NELL1: variants seen among roughly 807,000 people sequenced by gnomAD.
The protein encoded by NELL1 is protein kinase C-binding protein NELL1.
In NELL1, 76 loss-of-function variants were observed where a neutral mutation model predicts 107.4. The observed-to-expected ratio is 0.71, with a 90% CI of 0.59 to 0.86. NELL1 has a LOEUF of 0.86. Among genes scored for constraint, NELL1 ranks in the 40% least tolerant of loss-of-function variants. The pLI, the probability that NELL1 is intolerant of heterozygous loss-of-function variation, is 0.00. For synonymous variants in NELL1, 353 were observed against 341.2 expected, an observed-to-expected ratio of 1.03 and a Z score of -0.38; for missense variants, 1,024 against 1,005.5, an observed-to-expected ratio of 1.02 and a Z score of -0.25.
At chr11:20,812,921 T>G (rs1238451460) in intron 3 of NELL1, among the ~76,000 whole-genome samples, 2 of 140,838 alleles carry the variant, frequency 1.4e-5, no homozygotes, top group African/African-American at 5.3e-5. Context: ...GGCAGGAGAA[T>G]GGCGTGAACC....
At chr11:21,548,919 A>G (rs1182876401) in intron 16 of NELL1, among the ~76,000 whole-genome samples, 2 of 150,660 alleles carry the variant, frequency 1.3e-5, no homozygotes, top group Admixed American at 6.7e-5. Flanking sequence ...TGCTGCATAC[A>G]AGATAACACA....
At chr11:20,981,910 A>G (rs1456775541) in intron 12 of NELL1, among the ~76,000 whole-genome samples, 2 of 151,878 alleles carry the variant, frequency 1.3e-5, no homozygotes, top group Non-Finnish European at 2.9e-5. Context: ...TCAGGGCTCA[A>G]ACAATGTCAC....
At chr11:21,322,270 T>G (rs986765883) in intron 14 of NELL1, among the ~76,000 whole-genome samples, 1 of 152,150 alleles carries the variant, frequency 6.6e-6, no homozygotes, top group African/African-American at 2.4e-5. Flanking sequence ...ATTTGGGGAA[T>G]GTAATTTCAC....
chr11:21,390,230 T>C (rs1199658771), intron 15 of NELL1, among the ~76,000 whole-genome samples: 2 of 151,656 alleles, frequency 1.3e-5, no homozygotes, highest in African/African-American at 4.8e-5. Flanking sequence ...TTGGCCCTTT[T>C]ATTTATTGTG....
intron 15 of NELL1, among the ~76,000 whole-genome samples, chr11:21,440,031 A>C (rs1853237852): frequency 6.6e-6 from 1 of 152,130 alleles, no homozygotes; most frequent in Non-Finnish European, 1.5e-5. Flanking sequence ...ATAAAGGAGA[A>C]TACCATAAAC....
chr11:20,706,200 A>G (rs868429554), intron 2 of NELL1, among the ~76,000 whole-genome samples: 2 of 152,200 alleles, frequency 1.3e-5, no homozygotes, highest in Admixed American at 6.5e-5. Context: ...TCATGCTGCT[A>G]TAAAGACACA....
intron 14 of NELL1, among the ~76,000 whole-genome samples, chr11:21,330,583 G>A (rs1850251292): frequency 6.6e-6 from 1 of 152,108 alleles, no homozygotes; most frequent in Non-Finnish European, 1.5e-5. Context: ...CTGGTGAGAT[G>A]TCAGTTGTTA....
intron 15 of NELL1, among the ~76,000 whole-genome samples, chr11:21,503,491 G>A (rs1855201641): frequency 4.6e-5 from 7 of 152,048 alleles, no homozygotes; most frequent in Admixed American, 4.6e-4. Flanking sequence ...TATTTTTCTT[G>A]GGCAAGTTCT....
At chr11:20,710,650 G>T (rs538390829) in intron 2 of NELL1, among the ~76,000 whole-genome samples, 26 of 152,166 alleles carry the variant, frequency 1.7e-4, no homozygotes, top group African/African-American at 6.0e-4. Context: ...GTTTAGCTGT[G>T]AATGCGTCTG....
chr11:20,853,791 G>C (rs762031483), intron 4 of NELL1, among the ~76,000 whole-genome samples: 1 of 152,126 alleles, frequency 6.6e-6, no homozygotes, highest in Non-Finnish European at 1.5e-5. Context: ...CAGATCCTAA[G>C]CAAGGTTTGC....
chr11:21,255,801 T>C (rs1226002510), intron 14 of NELL1, among the ~76,000 whole-genome samples: 1 of 152,094 alleles, frequency 6.6e-6, no homozygotes, highest in Admixed American at 6.6e-5. Flanking sequence ...ATTCACTTTT[T>C]ACTCTTCTCA....
intron 2 of NELL1, among the ~76,000 whole-genome samples, chr11:20,712,728 A>G (rs1001468747): frequency 1.4e-4 from 21 of 152,162 alleles, no homozygotes; most frequent in African/African-American, 4.6e-4. Flanking sequence ...GAGCTAGACT[A>G]CAGTGATTGT....
At chr11:20,702,712 A>C (rs970483899) in intron 2 of NELL1, among the ~76,000 whole-genome samples, 2 of 152,238 alleles carry the variant, frequency 1.3e-5, no homozygotes, top group Non-Finnish European at 2.9e-5. Flanking sequence ...GAGAGATTTT[A>C]GCATGAAGCG....
chr11:21,339,795 A>G (rs929832295), intron 14 of NELL1, among the ~76,000 whole-genome samples: 1 of 152,124 alleles, frequency 6.6e-6, no homozygotes, highest in African/African-American at 2.4e-5. Context: ...CACCTTCATC[A>G]TGCTAGCTCT....
chr11:21,409,503 G>A (rs1852322523), intron 15 of NELL1, among the ~76,000 whole-genome samples: 1 of 151,738 alleles, frequency 6.6e-6, no homozygotes, highest in African/African-American at 2.4e-5. Flanking sequence ...AATGGGTGCA[G>A]CACACCAGTA....
intron 12 of NELL1, among the ~76,000 whole-genome samples, chr11:21,069,178 C>T (rs1853951850): frequency 6.6e-6 from 1 of 152,156 alleles, no homozygotes; most frequent in Non-Finnish European, 1.5e-5. Context: ...GGATACAGGG[C>T]TTAATACCTT....
At chr11:21,285,035 A>C (rs1235688615) in intron 14 of NELL1, 1 of 158,428 alleles carries the variant, frequency 6.3e-6, no homozygotes, top group Non-Finnish European at 1.4e-5. Context: ...TAAAAACCCT[A>C]GCCAGCTTAG....
intron 12 of NELL1, among the ~76,000 whole-genome samples, chr11:20,988,387 GTA>G (rs932670680): frequency 1.3e-4 from 20 of 148,956 alleles, no homozygotes; most frequent in African/African-American, 4.7e-4. Context: ...ATATATATGT[GTA>G]TATATATACA....
intron 12 of NELL1, among the ~76,000 whole-genome samples, chr11:21,087,126 G>A (rs1039908072): frequency 3.9e-5 from 6 of 152,158 alleles, no homozygotes; most frequent in East Asian, 1.9e-4. Flanking sequence ...GGCGTAAGGC[G>A]CCACTCCTGG....
Sources: gnomAD v4.1 joint callset for allele counts (sites outside exome capture counted in the v4.1 genomes callset) on GRCh38, gnomAD v4.1.1 for gene constraint, MANE v1.5 for transcripts, NCBI Gene and HGNC (gene_info 2026-07-23, HGNC 2026-07-21) for gene names.